NRG1: variants seen among roughly 807,000 people sequenced by gnomAD.
NRG1 encodes the protein pro-neuregulin-1, membrane-bound isoform.
A neutral mutation model predicts 63.8 loss-of-function variants in NRG1; 18 were observed. The ratio of observed to expected loss-of-function variants is 0.28; its 90% CI spans 0.19 to 0.42. The LOEUF (loss-of-function observed/expected upper bound fraction) is 0.42, where lower values mean the gene tolerates loss of function less well. Ranked by LOEUF, NRG1 falls within the 10% of genes least tolerant of loss-of-function variation. The probability of loss-of-function intolerance (pLI) is 1.00; values close to 1 mark genes in which losing one functional copy is unlikely to be tolerated. For missense variants in NRG1, 762 were observed against 814.7 expected, an observed-to-expected ratio of 0.94 and a Z score of 0.79; for synonymous variants, 302 against 301.3, an observed-to-expected ratio of 1.00 and a Z score of -0.02.
chr8:32,321,828 TC>T (rs1371407701), intron 1 of NRG1, among the ~76,000 whole-genome samples: 1 of 142,950 alleles, frequency 7.0e-6, no homozygotes, highest in African/African-American at 2.6e-5. Context: ...GTTGGGTTGT[TC>T]CTGTTGCTTT....
chr8:32,697,122 TAAGAAA>T (rs1262822893), intron 5 of NRG1, among the ~76,000 whole-genome samples: 1 of 152,218 alleles, frequency 6.6e-6, no homozygotes, highest in African/African-American at 2.4e-5. Flanking sequence ...CATTAGAACT[TAAGAAA>T]CAAGTTCTTC....
At chr8:31,735,229 C>T (rs982703208) in intron 1 of NRG1, among the ~76,000 whole-genome samples, 3 of 152,058 alleles carry the variant, frequency 2.0e-5, no homozygotes, top group African/African-American at 7.2e-5. Flanking sequence ...ACTCCTAAAA[C>T]AATTTTTTCT....
chr8:31,956,053 AC>A (rs1804331641), intron 1 of NRG1, among the ~76,000 whole-genome samples: 4 of 148,404 alleles, frequency 2.7e-5, no homozygotes, highest in African/African-American at 1.0e-4. Flanking sequence ...AAAAAAAAAA[AC>A]AAAAAAACAA....
At chr8:31,662,654 A>G (rs1315151372) in intron 1 of NRG1, among the ~76,000 whole-genome samples, 2 of 152,226 alleles carry the variant, frequency 1.3e-5, no homozygotes, top group African/African-American at 4.8e-5. Context: ...ACCTCATCCT[A>G]CCAACTTAAT....
chr8:32,109,876 T>C (rs1831772447), intron 1 of NRG1, among the ~76,000 whole-genome samples: 1 of 152,176 alleles, frequency 6.6e-6, no homozygotes, highest in Non-Finnish European at 1.5e-5. Flanking sequence ...TCTCAGCCTC[T>C]AGGTTGCTAG....
At chr8:32,017,096 G>C (rs1350064376) in intron 1 of NRG1, among the ~76,000 whole-genome samples, 30 of 152,170 alleles carry the variant, frequency 2.0e-4, no homozygotes, top group Non-Finnish European at 4.4e-4. Flanking sequence ...TTTATGACTA[G>C]CTTCTGCTCT....
At chr8:32,646,619 T>C in intron 5 of NRG1, 2 of 886,180 alleles carry the variant, frequency 2.3e-6, no homozygotes, top group South Asian at 5.2e-5. Flanking sequence ...GACCCAACAG[T>C]GGGTGAAGGA....
chr8:32,404,092 G>A (rs1468293196), intron 1 of NRG1, among the ~76,000 whole-genome samples: 1 of 152,216 alleles, frequency 6.6e-6, no homozygotes, highest in Non-Finnish European at 1.5e-5. Context: ...GGATAAAGAA[G>A]GTCCTGGTCA....
intron 1 of NRG1, among the ~76,000 whole-genome samples, chr8:31,913,539 G>C (rs1833121845): frequency 6.6e-6 from 1 of 152,094 alleles, no homozygotes; most frequent in Non-Finnish European, 1.5e-5. Flanking sequence ...GTGATTGTCA[G>C]ATACTGAGTT....
chr8:32,494,793 C>G (rs891814318), intron 1 of NRG1, among the ~76,000 whole-genome samples: 1 of 152,102 alleles, frequency 6.6e-6, no homozygotes, highest in Non-Finnish European at 1.5e-5. Context: ...CCTTCAGTTC[C>G]CTTTTGTGTC....
At chr8:32,310,874 T>C (rs1856739434) in intron 1 of NRG1, among the ~76,000 whole-genome samples, 4 of 152,200 alleles carry the variant, frequency 2.6e-5, no homozygotes, top group Admixed American at 2.0e-4. Context: ...ACATGCTTGC[T>C]GTTTCATGTT....
intron 5 of NRG1, among the ~76,000 whole-genome samples, chr8:32,713,898 C>A (rs1818490666): frequency 6.6e-6 from 1 of 151,558 alleles, no homozygotes; most frequent in African/African-American, 2.4e-5. Flanking sequence ...GATCTCAGCT[C>A]ACTGCAACTT....
chr8:31,979,647 A>T (rs959784358), intron 1 of NRG1, among the ~76,000 whole-genome samples: 1 of 152,056 alleles, frequency 6.6e-6, no homozygotes, highest in African/African-American at 2.4e-5. Context: ...TCAATTAATG[A>T]TTATCTATTT....
rs182292195 is a variant in NRG1, at chr8:32,051,272, A to T, written c.37+411841A>T. On this transcript the variant is annotated intron_variant, in intron 1 of 10. Transcript: ENST00000519301. ...ATGTATAACAACCTCTGCTAGACTC[A>T]ATGCTAGGTCCAGTGCATGCACTTG... Among the ~76,000 whole-genome samples the T allele has an allele frequency of 2.0e-5, 3 of 152,250 alleles. No homozygotes were observed. In the East Asian group the frequency reaches 5.8e-4, roughly 29 times the overall value.
chr8:32,166,204 G>C (rs1372056412), intron 1 of NRG1, among the ~76,000 whole-genome samples: 4 of 152,054 alleles, frequency 2.6e-5, no homozygotes, highest in Non-Finnish European at 5.9e-5. Context: ...CTTAGAGAAG[G>C]GTAGAGAATG....
intron 1 of NRG1, among the ~76,000 whole-genome samples, chr8:31,930,985 A>G (rs1457331765): frequency 6.6e-6 from 1 of 152,106 alleles, no homozygotes; most frequent in Non-Finnish European, 1.5e-5. Context: ...CAGGATTTGT[A>G]TCATTTCTCT....
chr8:31,790,684 C>T (rs1037184959), intron 1 of NRG1, among the ~76,000 whole-genome samples: 1 of 152,146 alleles, frequency 6.6e-6, no homozygotes, highest in African/African-American at 2.4e-5. Flanking sequence ...ATGTGACAGT[C>T]ATGCTTTCCT....
At chr8:32,321,618 A>T (rs559121861) in intron 1 of NRG1, among the ~76,000 whole-genome samples, 1 of 151,824 alleles carries the variant, frequency 6.6e-6, no homozygotes, top group East Asian at 1.9e-4. Flanking sequence ...TTCATTTTAA[A>T]TGAAACCAAT....
intron 1 of NRG1, among the ~76,000 whole-genome samples, chr8:31,894,553 CT>C (rs397892970): frequency 1.4e-3 from 128 of 91,934 alleles, no homozygotes; most frequent in Middle Eastern, 7.6e-3. Flanking sequence ...TTTCTTTTTT[CT>C]TTTTTTTTTT....
Sources: allele counts gnomAD v4.1 joint callset (sites outside exome capture counted in the v4.1 genomes callset), GRCh38; gene constraint gnomAD v4.1.1; transcripts MANE v1.5; gene names NCBI Gene and HGNC (gene_info 2026-07-23, HGNC 2026-07-21).